The following PDE1C variants were observed in gnomAD, a reference collection of about 807,000 sequenced individuals.
The protein encoded by PDE1C is phosphodiesterase 1C.
PDE1C carries 62 observed loss-of-function variants against 93.1 expected under a neutral mutation model. The ratio of observed to expected loss-of-function variants is 0.67; its 90% CI spans 0.54 to 0.82. The LOEUF (loss-of-function observed/expected upper bound fraction) is 0.82, where lower values mean the gene tolerates loss of function less well. Among genes scored for constraint, PDE1C ranks in the 40% least tolerant of loss-of-function variants. The pLI, the probability that PDE1C is intolerant of heterozygous loss-of-function variation, is 0.00. For synonymous variants in PDE1C, 325 were observed against 310.1 expected (o/e 1.05, Z -0.50); for missense variants, 742 against 884.6 (o/e 0.84, Z 2.04).
chr7:31,962,317 GC>G lies in PDE1C; in HGVS notation c.129-81458del, dbSNP rs1809111897. On this transcript the variant is annotated intron_variant, in intron 2 of 17. Coordinates refer to ENST00000396191, the MANE Select transcript of PDE1C (RefSeq NM_001191057.4). ...AGTTCACTATGACTGTTCAGTGCCA[GC>G]CCTGGAGTCTGCACAGAAAAGTGAG... Among the ~76,000 whole-genome samples, 7 of 152,262 alleles carry G rather than the reference GC, an allele frequency of 4.6e-5. No homozygotes were observed. The South Asian group carries it at 1.5e-3, about 32-fold the overall frequency.
chr7:32,241,625 T>G (rs543513420), intron 1 of PDE1C, among the ~76,000 whole-genome samples: 1 of 152,190 alleles, frequency 6.6e-6, no homozygotes, highest in Admixed American at 6.5e-5. Flanking sequence ...GAGACGGTTA[T>G]GTCAATACAT....
At chr7:31,621,033 G>C in the PDE1C span, among the ~76,000 whole-genome samples, 1 of 151,872 alleles carries the variant, frequency 6.6e-6, no homozygotes, top group African/African-American at 2.4e-5. Flanking sequence ...TGAATGAAAT[G>C]AAGCAAGAAG....
At chr7:32,411,775 A>G (rs1032900348) in intron 1 of PDE1C, among the ~76,000 whole-genome samples, 2 of 151,708 alleles carry the variant, frequency 1.3e-5, no homozygotes, top group Non-Finnish European at 2.9e-5. Flanking sequence ...TAACTTTTTG[A>G]CTCTTTTGTA....
At chr7:31,642,103 A>G in the PDE1C span, 1 of 1,022,564 alleles carries the variant, frequency 9.8e-7, no homozygotes. Flanking sequence ...TCAGGCACCT[A>G]GAGGGGTTGA....
intron 1 of PDE1C, among the ~76,000 whole-genome samples, chr7:32,212,804 A>G (rs1806144109): frequency 6.6e-6 from 1 of 152,056 alleles, no homozygotes; most frequent in Non-Finnish European, 1.5e-5. Flanking sequence ...ATCTTTGCCC[A>G]TATGCGTAAC....
At chr7:32,069,826 G>C (rs939553506) in intron 1 of PDE1C, among the ~76,000 whole-genome samples, 1 of 152,172 alleles carries the variant, frequency 6.6e-6, no homozygotes, top group Non-Finnish European at 1.5e-5. Flanking sequence ...ACTGGGCTAA[G>C]GAGAGGGAAA....
intron 1 of PDE1C, among the ~76,000 whole-genome samples, chr7:32,411,290 T>C (rs1785164207): frequency 6.6e-6 from 1 of 152,206 alleles, no homozygotes; most frequent in South Asian, 2.1e-4. Flanking sequence ...GATTAGGCGA[T>C]TTCATTATTG....
At chr7:32,388,711 C>CA (rs994134808) in intron 1 of PDE1C, among the ~76,000 whole-genome samples, 35 of 116,130 alleles carry the variant, frequency 3.0e-4, no homozygotes, top group African/African-American at 9.6e-4. Flanking sequence ...AAAATTAAGA[C>CA]AAAAAATCTA....
At chr7:31,701,567 C>G in the PDE1C span, among the ~76,000 whole-genome samples, 1 of 152,186 alleles carries the variant, frequency 6.6e-6, no homozygotes, top group East Asian at 1.9e-4. Context: ...AAAGGATTGA[C>G]TTGATTTTGA....
At chr7:31,972,699 G>C (rs188987176) in intron 2 of PDE1C, among the ~76,000 whole-genome samples, 26 of 152,166 alleles carry the variant, frequency 1.7e-4, no homozygotes, top group Admixed American at 1.5e-3. Flanking sequence ...AGACTGGCTG[G>C]GGACCTCAAA....
At chr7:32,395,247 C>G (rs1784820829) in intron 1 of PDE1C, among the ~76,000 whole-genome samples, 1 of 152,160 alleles carries the variant, frequency 6.6e-6, no homozygotes, top group Non-Finnish European at 1.5e-5. Context: ...ACACATACCT[C>G]ACAATGTCAT....
At chr7:31,739,269 T>A in the PDE1C span, among the ~76,000 whole-genome samples, 1 of 151,116 alleles carries the variant, frequency 6.6e-6, no homozygotes, top group African/African-American at 2.4e-5. Context: ...TTAGTGATGA[T>A]CTCATCTTTA....
chr7:32,159,095 G>C (rs1034374147), intron 3 of PDE1C, among the ~76,000 whole-genome samples: 20 of 152,122 alleles, frequency 1.3e-4, no homozygotes, highest in African/African-American at 4.1e-4. Flanking sequence ...ATCGATCTCT[G>C]TGAGGTCTGG....
At chr7:31,853,878 AT>A (rs60293827) in intron 7 of PDE1C, among the ~76,000 whole-genome samples, 57,664 of 124,202 alleles carry the variant, frequency 0.46, 12,303 homozygotes, top group Non-Finnish European at 0.54. Flanking sequence ...ATGCCCAGCT[AT>A]TTTTTTTTTT....
intron 1 of PDE1C, among the ~76,000 whole-genome samples, chr7:32,336,310 T>C (rs1783623864): frequency 6.6e-6 from 1 of 152,198 alleles, no homozygotes; most frequent in Non-Finnish European, 1.5e-5. Context: ...CAACAAACTA[T>C]CATGCCCACT....
intron 1 of PDE1C, among the ~76,000 whole-genome samples, chr7:32,276,555 T>A (rs1272248509): frequency 6.6e-6 from 1 of 152,172 alleles, no homozygotes; most frequent in Non-Finnish European, 1.5e-5. Flanking sequence ...AGGCAGCTCT[T>A]TGCAAGACTG....
chr7:31,985,968 ACTCCC>A (rs1275787433), intron 2 of PDE1C, among the ~76,000 whole-genome samples: 1 of 151,922 alleles, frequency 6.6e-6, no homozygotes, highest in African/African-American at 2.4e-5. Flanking sequence ...ACATTGGCCA[ACTCCC>A]CTCACAGTTA....
chr7:32,043,889 A>C (rs1239789279), intron 2 of PDE1C, among the ~76,000 whole-genome samples: 1 of 152,216 alleles, frequency 6.6e-6, no homozygotes, highest in Non-Finnish European at 1.5e-5. Context: ...GTATGCAGTG[A>C]ACTGCAAAGC....
At chr7:31,780,946 C>T (rs1168367036) in intron 16 of PDE1C, among the ~76,000 whole-genome samples, 1 of 152,122 alleles carries the variant, frequency 6.6e-6, no homozygotes, top group Non-Finnish European at 1.5e-5. Context: ...GTAAACAACC[C>T]AATCCGTCAG....
Sources: gnomAD v4.1 joint callset for allele counts (sites outside exome capture counted in the v4.1 genomes callset) on GRCh38, gnomAD v4.1.1 for gene constraint, MANE v1.5 for transcripts, NCBI Gene and HGNC (gene_info 2026-07-23, HGNC 2026-07-21) for gene names.